The following PSG4 variants were observed in gnomAD, a reference collection of about 807,000 sequenced individuals.
PSG4 encodes pregnancy-specific beta-1-glycoprotein 4.
PSG4 carries 61 observed loss-of-function variants against 44.3 expected under a neutral mutation model. The ratio of observed to expected loss-of-function variants is 1.38; its 90% confidence interval spans 1.12 to 1.70. The LOEUF is 1.70. Among genes scored for constraint, PSG4 ranks in the 40% most tolerant of loss-of-function variants. The pLI, the probability that PSG4 is intolerant of heterozygous loss-of-function variation, is 0.00. For synonymous variants in PSG4, 248 were observed against 191.3 expected (o/e 1.30, Z -2.45); for missense variants, 677 against 511.7 (o/e 1.32, Z -3.12).
At chr19:43,194,876 T>G in intron 4 of PSG4, 119 bp downstream of exon 4, 2 of 1,535,628 alleles carry the variant, frequency 1.3e-6, no homozygotes, top group East Asian at 4.5e-5. Context: ...CATGGCCACC[T>G]CGGATGTCCA....
Position 43,195,007 on chromosome 19 carries a change from G to A in PSG4, c.976C>T (p.Leu326=), listed in dbSNP as rs370165349. 6.2e-7 allele frequency: 1 copy of A among 1,611,922 alleles called. No homozygotes were observed. Among genetic ancestry groups the A allele is most frequent in the South Asian group, 1.1e-5 (1 of 90,992 alleles). Residue 326 remains leucine (L), a synonymous_variant, in exon 4 of 6, where the codon CTG becomes TTG. Coordinates refer to ENST00000405312, the MANE Select transcript of PSG4 (RefSeq NM_002780.5). ...AAAAGATACTCACAGAGGACATTCAGGGTGACTGGGTCACTGCGGATGCCA... is the reference window on the plus strand; with the variant it reads ...AAAAGATACTCACAGAGGACATTCAAGGTGACTGGGTCACTGCGGATGCCA... ...YGGIRSDPVT[L]NVLYGPDLPS...
intron 3 of PSG4, among the ~76,000 whole-genome samples, chr19:43,195,710 A>G (rs991656048): frequency 6.6e-6 from 1 of 151,092 alleles, no homozygotes; most frequent in African/African-American, 2.4e-5. Context: ...CATTCTAGAG[A>G]TGAGTAATAA....
intron 3 of PSG4, among the ~76,000 whole-genome samples, chr19:43,195,749 A>C (rs1893062615): frequency 6.6e-6 from 1 of 150,898 alleles, no homozygotes; most frequent in Non-Finnish European, 1.5e-5. Context: ...TGAAACCCTG[A>C]AGATACTGAG....
Position 43,204,232 on chromosome 19 carries a change from C to G in PSG4, c.84G>C (p.Trp28Cys), listed in dbSNP as rs754124531. ...TGACTTGGGCAGTTGTGGGCGGATT[C>G]CAGAAGTTTAAAAGTGATGCTAGGA... ...VLLTASLLNF[W>C]NPPTTAQVTI... The change falls in exon 2 of 6, where the codon TGG becomes TGC. Residue 28 changes from tryptophan (W) to cysteine (C), a missense_variant. By Grantham distance (215) the Trp-to-Cys change is radical. Transcript: ENST00000405312. 1 of 1,577,866 alleles carries G rather than the reference C, an allele frequency of 6.3e-7. No individual in the cohort carries two copies. Among genetic ancestry groups the G allele is most frequent in the Non-Finnish European group, 8.6e-7 (1 of 1,166,524 alleles).
At chr19:43,193,658 C>T (rs922433803) in intron 5 of PSG4, 41 of 563,108 alleles carry the variant, frequency 7.3e-5, no homozygotes, top group Non-Finnish European at 1.0e-4. Context: ...TATAAGGACT[C>T]TCAGATTAAA....
At position 43,200,371 on chromosome 19, in the gene PSG4, A is replaced by C. The variant is rs559153178; in HGVS notation, c.431-2096T>G. 8.1e-4 allele frequency among the ~76,000 whole-genome samples: 69 copies of C among 85,542 alleles called. 1 individual carries two copies. Among genetic ancestry groups the C allele is most frequent in the Non-Finnish European group, 3.4e-4 (15 of 44,174 alleles). 56.1% of individuals were successfully genotyped at this position (85,542 alleles called of 152,430 possible). ...ATGTTACAGCCTTTGTAGTTGTCCCACAACTACAAAATTTAAAAATTGCTA... is the reference window on the plus strand; with the variant it reads ...ATGTTACAGCCTTTGTAGTTGTCCCCCAACTACAAAATTTAAAAATTGCTA... On this transcript the variant is annotated intron_variant, in intron 2 of 5. Transcript: ENST00000405312.
chr19:43,194,554 A>G lies in PSG4; in HGVS notation c.1029T>C (p.Tyr343=). The G allele has an allele frequency of 6.2e-7, 1 of 1,612,400 alleles. No homozygotes were observed. Among genetic ancestry groups the G allele is most frequent in the Non-Finnish European group, 8.5e-7 (1 of 1,179,036 alleles). Residue 343 remains tyrosine, a synonymous_variant, in exon 5 of 6, where the codon TAT becomes TAC. Transcript: ENST00000405312. ...DLPSIYPSFT[Y]YRSGENLYLS... is the part of the protein sequence containing the mutation. ...AGTAGAGGTTTTCTCCTGAACGGTAATAGGTGAATGAAGGGTAAATGCTGG... is the reference window on the plus strand; with the variant it reads ...AGTAGAGGTTTTCTCCTGAACGGTAGTAGGTGAATGAAGGGTAAATGCTGG...
Position 43,204,205 on chromosome 19 carries a change from C to G in PSG4, c.111G>C (p.Thr37=). ...FWNPPTTAQV[T]IEAQPPKVSE... ...AAACTTTGGGTGGCTGGGCTTCAAT[C>G]GTGACTTGGGCAGTTGTGGGCGGAT... Residue 37 remains threonine, a synonymous_variant, in exon 2 of 6, where the codon ACG becomes ACC. Coordinates refer to ENST00000405312, the MANE Select transcript of PSG4 (RefSeq NM_002780.5). 5 of 1,583,362 alleles carry G rather than the reference C, an allele frequency of 3.2e-6. No individual in the cohort carries two copies. Among genetic ancestry groups the G allele is most frequent in the Non-Finnish European group, 4.3e-6 (5 of 1,169,026 alleles).
Position 43,198,247 on chromosome 19 carries a change from G to A in PSG4, c.459C>T (p.Ser153=), listed in dbSNP as rs879699450. 207 of 1,587,034 alleles carry A rather than the reference G, an allele frequency of 1.3e-4. 28 individuals carry two copies. The Admixed American group carries it at 2.3e-3, about 18-fold the overall frequency. The change falls in exon 3 of 6, where the codon AGC becomes AGT. Residue 153 remains serine (S), a synonymous_variant. Transcript: ENST00000405312. Reference sequence around the variant, plus strand: ...TGGCCTCCCTGGGATTTAAGTTGCTGCTGGAGATGGAGGGCTTGGGAGTCT... The same window carrying A: ...TGGCCTCCCTGGGATTTAAGTTGCTACTGGAGATGGAGGGCTTGGGAGTCT... ...HLETPKPSIS[S]SNLNPREAME... is the part of the protein sequence containing the mutation.
At position 43,194,633 on chromosome 19, in the gene PSG4, G is replaced by C; in HGVS notation, c.989-39C>G. The C allele has an allele frequency of 1.3e-6, 2 of 1,582,486 alleles. 1 individual carries two copies. Among genetic ancestry groups the C allele is most frequent in the Non-Finnish European group, 1.7e-6 (2 of 1,163,180 alleles). On this transcript the variant is annotated intron_variant, in intron 4 of 5. Coordinates refer to ENST00000405312, the MANE Select transcript of PSG4 (RefSeq NM_002780.5). ...AATAAAGCCATAGGTGATGTCATCC[G>C]AGGGAAGGGGATGTTCCTGGTCTCT...
chr19:43,194,813 C>T, intron 4 of PSG4, 182 bp downstream of exon 4: 1 of 1,438,550 alleles, frequency 7.0e-7, no homozygotes, highest in South Asian at 1.4e-5. Context: ...GTCCCCTCCC[C>T]TTATATTCTT....
At chr19:43,204,868 G>A (rs758703768) in intron 1 of PSG4, 1 of 412,106 alleles carries the variant, frequency 2.4e-6, no homozygotes, top group South Asian at 1.8e-5. Flanking sequence ...TGAGGACAGT[G>A]TTTCATGTCC....
Position 43,205,491 on chromosome 19 carries a change from T to C in PSG4, c.46A>G (p.Lys16Glu), listed in dbSNP as rs1237323735. 1 of 1,551,980 alleles carries C rather than the reference T, an allele frequency of 6.4e-7. No homozygotes were observed. The change falls in exon 1 of 6, where the codon AAG becomes GAG. Residue 16 changes from lysine to glutamate, a missense_variant. Transcript: ENST00000405312. The stretch of plus-strand genomic sequence containing the variant: ...TCCTCACCTGTGAGCAGGACCCCCT[T>C]CCAGGTGATGCGCTGTGTGCAGGGA... ...APPCTQRITW[K>E]GVLLTASLLN...
rs565032980 is a variant in PSG4, at chr19:43,204,341, C to G, written c.65-90G>C. ...TGAGAAGGTCTCTTCAATCCTCAGC[C>G]TTGAAGACACACAAACACACACATA... On this transcript the variant is annotated intron_variant, in intron 1 of 5. Transcript: ENST00000405312. 11 of 1,386,828 alleles carry G rather than the reference C, an allele frequency of 7.9e-6. 1 individual carries two copies. The African/African-American group carries it at 7.9e-5, about 10-fold the overall frequency. 85.9% of individuals were successfully genotyped at this position (1,386,828 alleles called of 1,614,324 possible). A position where few individuals can be genotyped will look rare whatever the true frequency, so the allele number is the denominator to read the frequency against.
At position 43,204,150 on chromosome 19, in the gene PSG4, G is replaced by A; in HGVS notation, c.166C>T (p.His56Tyr). ...CCAGCAAGATTCTGGGGCAAATTGTGGACAAGTAGAAGAACATCCTTCCCC... is the reference window on the plus strand; with the variant it reads ...CCAGCAAGATTCTGGGGCAAATTGTAGACAAGTAGAAGAACATCCTTCCCC... ...SEGKDVLLLV[H>Y]NLPQNLAGYI... is the part of the protein sequence containing the mutation. The change falls in exon 2 of 6, where the codon CAC becomes TAC. Residue 56 changes from histidine (H) to tyrosine (Y), a missense_variant. By Grantham distance (83) the His-to-Tyr change is moderately conservative. Coordinates refer to ENST00000405312, the MANE Select transcript of PSG4 (RefSeq NM_002780.5). The A allele has an allele frequency of 1.3e-6, 2 of 1,587,306 alleles. No individual in the cohort carries two copies. The highest frequency in any genetic ancestry group is 1.7e-6 in the Non-Finnish European group (2 of 1,171,670).
In PSG4 at chr19:43,195,469, A is replaced by G. The variant is rs533729034; in HGVS notation, c.710-196T>C. Among the ~76,000 whole-genome samples the G allele has an allele frequency of 2.6e-4, 39 of 151,560 alleles. 1 individual carries two copies. Among genetic ancestry groups the G allele is most frequent in the Admixed American group, 1.4e-3 (21 of 15,174 alleles). ...ACTGTGAGGCCACCTGCTCTGTTTT[A>G]GGGAGGCACAGACTTTCTCAAGTGT... On this transcript the variant is annotated intron_variant, in intron 3 of 5. Transcript: ENST00000405312.
Position 43,192,903 on chromosome 19 carries a change from G to C in PSG4, c.*469C>G. On this transcript the variant is annotated 3_prime_UTR_variant, in exon 6 of 6. Coordinates refer to ENST00000405312, the MANE Select transcript of PSG4 (RefSeq NM_002780.5). Reference sequence around the variant, plus strand: ...CAATATCTCTGTGTTCATTTCTATTGGGAGCCCTGTATGCAAGATGGAGAG... The same window carrying C: ...CAATATCTCTGTGTTCATTTCTATTCGGAGCCCTGTATGCAAGATGGAGAG... The C allele has an allele frequency of 2.9e-6, 1 of 349,484 alleles. No homozygotes were observed. The highest frequency in any genetic ancestry group is 5.3e-6 in the Non-Finnish European group (1 of 190,278). 21.6% of individuals were successfully genotyped at this position (349,484 alleles called of 1,614,324 possible).
At chr19:43,204,361 C>A (rs1269368880) in intron 1 of PSG4, 110 bp from the exon 2 acceptor site, 1 of 1,283,080 alleles carries the variant, frequency 7.8e-7, no homozygotes, top group Non-Finnish European at 1.1e-6. Flanking sequence ...CACAAACACA[C>A]ACATACAAAC....
intron 3 of PSG4, among the ~76,000 whole-genome samples, chr19:43,197,539 A>G (rs1568385465): frequency 7.2e-6 from 1 of 139,594 alleles, no homozygotes; most frequent in Non-Finnish European, 1.5e-5. Flanking sequence ...GAGATTGGGG[A>G]ATTCCCCTGT....
Sources: gnomAD v4.1 joint callset for allele counts (sites outside exome capture counted in the v4.1 genomes callset) on GRCh38, gnomAD v4.1.1 for gene constraint, MANE v1.5 for transcripts, NCBI Gene and HGNC (gene_info 2026-07-23, HGNC 2026-07-21) for gene names.